Variants in STRBP observed in about 807,000 individuals in gnomAD.
STRBP encodes the protein spermatid perinuclear RNA-binding protein.
A neutral mutation model predicts 80.1 loss-of-function variants in STRBP; 13 were observed. That is an observed-to-expected ratio of 0.16 (90% CI 0.11 to 0.26). The LOEUF is 0.26. STRBP is among the 10% of genes least tolerant of loss of function. The pLI, the probability that STRBP is intolerant of heterozygous loss-of-function variation, is 1.00. For synonymous variants in STRBP, 284 were observed against 291.2 expected (o/e 0.98, Z 0.25); for missense variants, 485 against 815.2 (o/e 0.59, Z 4.93).
rs1041778165 is a variant in STRBP at position 123,133,476 on chromosome 9, T to C, written c.1774-508A>G. ...TAACTGTGACCTCAGGAAGGTAATA[T>C]GATTTCTTGGAGCCCGATTCCTCTG... On this transcript the variant is annotated intron_variant, in intron 16 of 18. Transcript: ENST00000348403. Among the ~76,000 whole-genome samples, 5 of 152,134 alleles carry C rather than the reference T, an allele frequency of 3.3e-5. No homozygotes were observed. In the East Asian group the frequency reaches 9.6e-4, roughly 29 times the overall value.
Position 123,139,626 on chromosome 9 carries a change from T to C in STRBP, c.1400A>G (p.Asp467Gly). The change falls in exon 14 of 19, where the codon GAT becomes GGT. Residue 467 changes from aspartate (D) to glycine (G), a missense_variant. Transcript: ENST00000348403. ...TTTACTTTCATTATCTGATTTTTCA[T>C]CGGAACTCATACATTCAATATCTGC... ...FDADIECMSS[D>G]EKSDNESKNE... The C allele has an allele frequency of 2.5e-6, 4 of 1,613,144 alleles. No individual in the cohort carries two copies. Among genetic ancestry groups the C allele is most frequent in the Non-Finnish European group, 2.5e-6 (3 of 1,179,862 alleles).
intron 4 of STRBP, 71 bp downstream of exon 4, chr9:123,178,936 C>G: frequency 6.9e-7 from 1 of 1,455,692 alleles, no homozygotes; most frequent in Non-Finnish European, 9.6e-7. Flanking sequence ...ATAACACACA[C>G]TCAATCCAGC....
chr9:123,116,136 C>T (rs1049655787), intron 2 of STRBP: 24 of 455,336 alleles, frequency 5.3e-5, no homozygotes, highest in Admixed American at 2.6e-4. Flanking sequence ...CTGAGACTTC[C>T]GAGAAGTCTC....
At chr9:123,251,186 CTTCTT>C (rs138789347) in intron 1 of STRBP, among the ~76,000 whole-genome samples, 2,911 of 151,908 alleles carry the variant, frequency 0.019, 45 homozygotes, top group East Asian at 0.066. Flanking sequence ...TCTTTCTTTC[CTTCTT>C]TTCTTTTCTT....
rs759681480 is a variant in STRBP, at chr9:123,158,122, T to C, written c.935A>G (p.His312Arg). 2.5e-6 allele frequency: 4 copies of C among 1,606,528 alleles called. No individual in the cohort carries two copies. Among genetic ancestry groups the C allele is most frequent in the African/African-American group, 2.7e-5 (2 of 74,310 alleles). Reference protein sequence around the residue: ...QKEDITHSAQHALRLSAFGQI... With the variant: ...QKEDITHSAQRALRLSAFGQI... ...GCCAAAGGCTGATAGTCTGAGTGCA[T>C]GCTAAAGAACAAAGTATTATATTTA... The change falls in exon 11 of 19, where the codon CAT (histidine) becomes CGT (arginine). Residue 312 changes from histidine (H) to arginine (R), a missense_variant and splice_region_variant. By Grantham distance (29) the His-to-Arg change is conservative. Transcript: ENST00000348403.
chr9:123,262,482 A>G (rs1266363862), intron 1 of STRBP, among the ~76,000 whole-genome samples: 1 of 152,252 alleles, frequency 6.6e-6, no homozygotes, highest in East Asian at 1.9e-4. Context: ...CCCATGACCC[A>G]GAAATGCCTC....
rs2035551578 is a variant in STRBP, at chr9:123,110,739, A to C, written c.*85-986T>G. 5.9e-6 allele frequency: 1 copy of C among 169,140 alleles called. No individual in the cohort carries two copies. The highest frequency in any genetic ancestry group is 6.5e-5 in the Admixed American group (1 of 15,288). The allele number at this position is 169,140 out of a possible 1,614,324, so 10.5% of individuals were successfully genotyped here. ...CCCTTGGTTCCTGGGAGATGGAGAG[A>C]GCGAGGCCCTCTGGTCGGAGGCCTA... is the stretch of plus-strand genomic sequence containing the variant. On this transcript the variant is annotated intron_variant and NMD_transcript_variant, in intron 3 of 3. Coordinates refer to the STRBP transcript ENST00000471564. This position sits in a 1 kb window ranked among gnomAD's most constrained non-coding sequence, Gnocchi z 4.1.
At chr9:123,165,820 G>T (rs1474817668) in intron 6 of STRBP, among the ~76,000 whole-genome samples, 2 of 152,020 alleles carry the variant, frequency 1.3e-5, no homozygotes, top group Non-Finnish European at 2.9e-5. Flanking sequence ...TTATAAAATG[G>T]CAATTAGCTA....
intron 1 of STRBP, among the ~76,000 whole-genome samples, chr9:123,251,161 C>CTTTCTTTTCTTTTTTCTTTCTTTCCTTCT (rs2040906941): frequency 5.3e-5 from 8 of 152,110 alleles, no homozygotes; most frequent in Admixed American, 2.0e-4. Context: ...GTCTCTGTTT[C>CTTTCTTTTCTTTTTTCTTTCTTTCCTTCT]TTTCTTTTCT....
intron 5 of STRBP, among the ~76,000 whole-genome samples, chr9:123,171,607 T>C (rs2038013150): frequency 6.6e-6 from 1 of 152,188 alleles, no homozygotes; most frequent in African/African-American, 2.4e-5. Context: ...TGTACATGTA[T>C]ACATTTTAAT....
chr9:123,196,684 G>A (rs951481049), intron 2 of STRBP, among the ~76,000 whole-genome samples: 3 of 152,216 alleles, frequency 2.0e-5, no homozygotes, highest in East Asian at 3.9e-4. Flanking sequence ...ACTATAATGC[G>A]ATATAATCTT....
intron 11 of STRBP, among the ~76,000 whole-genome samples, chr9:123,153,552 G>A (rs779489666): frequency 5.9e-5 from 9 of 152,100 alleles, no homozygotes; most frequent in Non-Finnish European, 1.0e-4. Flanking sequence ...TGAAAGAGGG[G>A]ATTCAAGGGC....
intron 2 of STRBP, among the ~76,000 whole-genome samples, chr9:123,214,503 T>A (rs918470409): frequency 2.0e-5 from 3 of 152,030 alleles, no homozygotes; most frequent in African/African-American, 7.2e-5. Context: ...GAAATAAAAA[T>A]TTTTTATTAA....
chr9:123,248,459 A>G (rs1353852301), intron 1 of STRBP, among the ~76,000 whole-genome samples: 1 of 151,498 alleles, frequency 6.6e-6, no homozygotes, highest in African/African-American at 2.4e-5. Flanking sequence ...TTTAGTAGAG[A>G]CGGTGTTTTA....
Position 123,165,267 on chromosome 9 carries a change from G to A in STRBP, c.536-4199C>T, listed in dbSNP as rs543525719. Among the ~76,000 whole-genome samples the A allele has an allele frequency of 5.7e-3, 814 of 142,070 alleles. 3 individuals carry two copies. Among genetic ancestry groups the A allele is most frequent in the Non-Finnish European group, 8.9e-3 (590 of 66,392 alleles). 93.2% of individuals were successfully genotyped at this position (142,070 alleles called of 152,430 possible). On this transcript the variant is annotated intron_variant, in intron 6 of 18. Transcript: ENST00000348403. ...CTGCACTCCAGCCTGGAGACAGAGC[G>A]AGACTCCATCTCAAAAAAAAAAAAA...
downstream of STRBP, among the ~76,000 whole-genome samples, chr9:123,117,621 C>G (rs2035667302): frequency 6.6e-6 from 1 of 152,214 alleles, no homozygotes; most frequent in South Asian, 2.1e-4. Context: ...TCTGCCACCA[C>G]CCATCTCTAC....
Position 123,124,672 on chromosome 9 carries a change from T to A in STRBP, c.*925A>T. On this transcript the variant is annotated 3_prime_UTR_variant, in exon 19 of 19. Transcript: ENST00000348403. ...AAAAAGCCAGGGAGTGAACACAATA[T>A]CTTACAGAGTGAAGAAGGCCACAAG... 4 of 985,384 alleles carry A rather than the reference T, an allele frequency of 4.1e-6. No homozygotes were observed. The highest frequency in any genetic ancestry group is 4.8e-6 in the Non-Finnish European group (4 of 829,906). The allele number at this position is 985,384 out of a possible 1,614,324, so 61.0% of individuals were successfully genotyped here. A position where few individuals can be genotyped will look rare whatever the true frequency, so the allele number is the denominator to read the frequency against.
intron 16 of STRBP, 41 bp downstream of exon 16, chr9:123,136,000 A>G (rs751136556): frequency 1.2e-6 from 2 of 1,601,672 alleles, no homozygotes; most frequent in Non-Finnish European, 1.7e-6. Context: ...TTCCTCTAAC[A>G]TTTTTCACAG....
chr9:123,170,130 C>T, intron 5 of STRBP, 84 bp from the exon 6 acceptor site: 1 of 1,337,982 alleles, frequency 7.5e-7, no homozygotes, highest in Non-Finnish European at 1.0e-6. Flanking sequence ...GTACTAAGTT[C>T]TCGAATGTTA....
Sources: gnomAD v4.1 joint callset for allele counts (sites outside exome capture counted in the v4.1 genomes callset) on GRCh38, gnomAD v4.1.1 for gene constraint, Gnocchi (gnomAD v3.1) non-coding constraint, MANE v1.5 for transcripts, NCBI Gene and HGNC (gene_info 2026-07-23, HGNC 2026-07-21) for gene names.